The following CCDC171 variants were observed in gnomAD, a reference collection of about 807,000 sequenced individuals.
CCDC171 encodes the protein coiled-coil domain-containing protein 171.
In CCDC171, 177 loss-of-function variants were observed where a neutral mutation model predicts 168.2. That is an observed-to-expected ratio of 1.05 (90% CI 0.93 to 1.19). CCDC171 has a LOEUF of 1.19. Ranked by LOEUF, CCDC171 falls within the 50% of genes most tolerant of loss-of-function variation. The probability of loss-of-function intolerance (pLI) is 0.00; values close to 1 mark genes in which losing one functional copy is unlikely to be tolerated. For synonymous variants in CCDC171, 687 were observed against 540.8 expected, an observed-to-expected ratio of 1.27 and a Z score of -3.75; for missense variants, 1,991 against 1,539.0, an observed-to-expected ratio of 1.29 and a Z score of -4.91.
chr9:15,672,201 G>C (rs2049168999), intron 9 of CCDC171, among the ~76,000 whole-genome samples: 1 of 151,996 alleles, frequency 6.6e-6, no homozygotes, highest in Non-Finnish European at 1.5e-5. Flanking sequence ...GGGGTTGTTT[G>C]TTTTTTTCTT....
intron 11 of CCDC171, among the ~76,000 whole-genome samples, chr9:15,696,996 T>C (rs1327937079): frequency 2.0e-5 from 3 of 152,220 alleles, no homozygotes; most frequent in African/African-American, 7.2e-5. Flanking sequence ...CTTTACACCC[T>C]TCTCCCCTTG....
chr9:15,907,746 C>G (rs201212435), intron 24 of CCDC171, among the ~76,000 whole-genome samples: 1 of 152,110 alleles, frequency 6.6e-6, no homozygotes, highest in East Asian at 1.9e-4. Flanking sequence ...AGAAAATTTT[C>G]GCAATCTAGT....
intron 21 of CCDC171, among the ~76,000 whole-genome samples, chr9:15,828,274 A>G (rs2060095640): frequency 6.6e-6 from 1 of 151,980 alleles, no homozygotes; most frequent in Non-Finnish European, 1.5e-5. Flanking sequence ...TGAAAGGAAG[A>G]GCAAACAAAT....
rs183740632 is a variant in CCDC171, at chr9:15,681,165, G to T, written c.1215+2269G>T. On this transcript the variant is annotated intron_variant, in intron 10 of 25. Transcript: ENST00000380701. ...ACCGTCTGCACTCGTTGTATTCATT[G>T]TATTAACCCATTAAACACTACTGTT... 2.0e-5 allele frequency among the ~76,000 whole-genome samples: 3 copies of T among 152,184 alleles called. No homozygotes were observed. In the East Asian group the frequency reaches 5.8e-4, roughly 29 times the overall value.
chr9:15,801,467 T>C (rs562916898), intron 21 of CCDC171, among the ~76,000 whole-genome samples: 1 of 152,150 alleles, frequency 6.6e-6, no homozygotes, highest in Non-Finnish European at 1.5e-5. Flanking sequence ...GCTGATTTTG[T>C]ATCCTGCAGC....
intron 21 of CCDC171, among the ~76,000 whole-genome samples, chr9:15,807,631 A>C (rs559528533): frequency 6.6e-6 from 1 of 151,926 alleles, no homozygotes; most frequent in Non-Finnish European, 1.5e-5. Context: ...TTTGCTCTTC[A>C]GTTGCTCAAT....
chr9:15,724,084 G>A (rs530865758), intron 13 of CCDC171, among the ~76,000 whole-genome samples: 1 of 152,232 alleles, frequency 6.6e-6, no homozygotes, highest in East Asian at 1.9e-4. Context: ...CATCATATTT[G>A]GAGTCAGTTT....
chr9:15,642,080 C>T (rs2046654276), intron 7 of CCDC171, among the ~76,000 whole-genome samples: 1 of 151,832 alleles, frequency 6.6e-6, no homozygotes, highest in African/African-American at 2.4e-5. Flanking sequence ...AGGACAATTG[C>T]TTGAAACCAG....
intron 4 of CCDC171, chr9:15,588,385 A>G (rs1233066918): frequency 1.9e-5 from 5 of 267,148 alleles, no homozygotes; most frequent in East Asian, 1.3e-4. Flanking sequence ...AGGGGATGCT[A>G]CAGGAGATAA....
intron 2 of CCDC171, among the ~76,000 whole-genome samples, chr9:15,570,543 G>C (rs2040142675): frequency 6.6e-6 from 1 of 152,092 alleles, no homozygotes; most frequent in Non-Finnish European, 1.5e-5. Flanking sequence ...AAAAGTAGGG[G>C]CTTAACCTAA....
intron 21 of CCDC171, among the ~76,000 whole-genome samples, chr9:15,820,965 G>A (rs1040594364): frequency 1.7e-5 from 2 of 116,962 alleles, no homozygotes; most frequent in African/African-American, 3.2e-5. Flanking sequence ...GAATCCAGCA[G>A]CACATCAAAA....
At chr9:15,627,334 C>T (rs1587535630) in intron 7 of CCDC171, among the ~76,000 whole-genome samples, 1 of 151,566 alleles carries the variant, frequency 6.6e-6, no homozygotes, top group Admixed American at 6.6e-5. Context: ...CTGCTCTGTT[C>T]TTAATTTTTT....
At chr9:15,739,236 G>C (rs1200318434) in intron 16 of CCDC171, among the ~76,000 whole-genome samples, 1 of 152,166 alleles carries the variant, frequency 6.6e-6, no homozygotes, top group Non-Finnish European at 1.5e-5. Flanking sequence ...ATAGTGTTAG[G>C]GGAGATCGAA....
intron 10 of CCDC171, among the ~76,000 whole-genome samples, chr9:15,690,927 A>T (rs1490588833): frequency 6.6e-6 from 1 of 152,216 alleles, no homozygotes; most frequent in Non-Finnish European, 1.5e-5. Flanking sequence ...AATGCACATT[A>T]AATAAGTTGA....
intron 7 of CCDC171, among the ~76,000 whole-genome samples, chr9:15,632,510 C>T (rs1347884193): frequency 2.6e-5 from 4 of 151,900 alleles, no homozygotes; most frequent in African/African-American, 4.8e-5. Flanking sequence ...CACTGCTCAA[C>T]AAAATAAAAG....
At chr9:15,651,556 C>T (rs535289607) in intron 7 of CCDC171, among the ~76,000 whole-genome samples, 22 of 152,082 alleles carry the variant, frequency 1.4e-4, no homozygotes, top group African/African-American at 2.7e-4. Context: ...CATGCCCAGC[C>T]GAGATTAACT....
chr9:15,751,503 C>A (rs1027110966), intron 18 of CCDC171, among the ~76,000 whole-genome samples: 1 of 152,168 alleles, frequency 6.6e-6, no homozygotes, highest in Non-Finnish European at 1.5e-5. Flanking sequence ...CTGGAGGTGT[C>A]AGGCTGCCTG....
At chr9:15,576,651 C>T (rs1283863518) in intron 3 of CCDC171, among the ~76,000 whole-genome samples, 7 of 152,140 alleles carry the variant, frequency 4.6e-5, no homozygotes, top group African/African-American at 1.4e-4. Context: ...AGGCTAATGT[C>T]GAATTCAATT....
chr9:15,672,321 C>CT (rs1246947294), intron 9 of CCDC171, among the ~76,000 whole-genome samples: 1 of 151,998 alleles, frequency 6.6e-6, no homozygotes, highest in Non-Finnish European at 1.5e-5. Flanking sequence ...TCTGATGATA[C>CT]TTTCTTTTGC....
Sources: gnomAD v4.1 joint callset for allele counts (sites outside exome capture counted in the v4.1 genomes callset) on GRCh38, gnomAD v4.1.1 for gene constraint, MANE v1.5 for transcripts, NCBI Gene and HGNC (gene_info 2026-07-23, HGNC 2026-07-21) for gene names.